Variants in GALNTL6 observed in about 807,000 individuals in gnomAD.
GALNTL6 encodes polypeptide N-acetylgalactosaminyltransferase-like 6.
A neutral mutation model predicts 73.7 loss-of-function variants in GALNTL6; 46 were observed. The ratio of observed to expected loss-of-function variants is 0.62; its 90% confidence interval spans 0.49 to 0.80. The LOEUF (loss-of-function observed/expected upper bound fraction) is 0.80, where lower values mean the gene tolerates loss of function less well. Among genes scored for constraint, GALNTL6 ranks in the 30% least tolerant of loss-of-function variants. GALNTL6 has a pLI of 0.00. For synonymous variants in GALNTL6, 259 were observed against 263.7 expected, an observed-to-expected ratio of 0.98 and a Z score of 0.17; for missense variants, 604 against 755.0, an observed-to-expected ratio of 0.80 and a Z score of 2.34.
intron 2 of GALNTL6, among the ~76,000 whole-genome samples, chr4:172,090,869 G>T (rs1288476171): frequency 6.6e-6 from 1 of 152,102 alleles, no homozygotes; most frequent in Non-Finnish European, 1.5e-5. Context: ...GTTAACTTTT[G>T]TATAAAGTGT....
chr4:171,952,376 C>T (rs576029774), intron 2 of GALNTL6, among the ~76,000 whole-genome samples: 5 of 151,982 alleles, frequency 3.3e-5, no homozygotes, highest in African/African-American at 1.2e-4. Context: ...ACTTCTCCTT[C>T]TTATTCAAAT....
intron 4 of GALNTL6, among the ~76,000 whole-genome samples, chr4:172,334,993 T>A (rs2111188856): frequency 6.6e-6 from 1 of 152,068 alleles, no homozygotes; most frequent in Non-Finnish European, 1.5e-5. Context: ...CTTTTTTTTT[T>A]TTTTTGAGAC....
rs1732022353 is a variant in GALNTL6 at position 172,446,397 on chromosome 4, A to G, written c.553+97708A>G. Among the ~76,000 whole-genome samples, 3 of 152,270 alleles carry G rather than the reference A, an allele frequency of 2.0e-5. No individual in the cohort carries two copies. In the South Asian group the frequency reaches 6.2e-4, roughly 32 times the overall value. ...TTAGAAATCAGACAAGAGGCATTTG[A>G]AACTGACTAGAAAGTCACAGAATAT... is the stretch of plus-strand genomic sequence containing the variant. On this transcript the variant is annotated intron_variant, in intron 5 of 12. Coordinates refer to ENST00000506823, the MANE Select transcript of GALNTL6 (RefSeq NM_001034845.3).
At chr4:172,655,243 G>T (rs946288534) in intron 5 of GALNTL6, among the ~76,000 whole-genome samples, 2 of 152,022 alleles carry the variant, frequency 1.3e-5, no homozygotes, top group African/African-American at 4.8e-5. Context: ...TAGGTTTCAG[G>T]TTTGTGATGG....
intron 2 of GALNTL6, among the ~76,000 whole-genome samples, chr4:171,917,363 G>A (rs1737661177): frequency 6.6e-6 from 1 of 151,992 alleles, no homozygotes; most frequent in Admixed American, 6.6e-5. Context: ...CCAAGGATTT[G>A]AACCCAACTT....
chr4:172,364,400 AG>A (rs1742483791), intron 5 of GALNTL6, among the ~76,000 whole-genome samples: 1 of 152,208 alleles, frequency 6.6e-6, no homozygotes, highest in Non-Finnish European at 1.5e-5. Flanking sequence ...CCAGGGCCAC[AG>A]AGTAAGACCC....
At chr4:172,663,929 CA>C (rs398072373) in intron 5 of GALNTL6, among the ~76,000 whole-genome samples, 6 of 29,944 alleles carry the variant, frequency 2.0e-4, no homozygotes, top group African/African-American at 8.0e-4. Context: ...GACTCTGTCT[CA>C]AAAAAAAAAA....
In GALNTL6 at chr4:171,964,595, A is replaced by T. The variant is rs151224188; in HGVS notation, c.138+149877A>T. On this transcript the variant is annotated intron_variant, in intron 2 of 12. Transcript: ENST00000506823. Reference sequence around the variant, plus strand: ...GAACATACCCCATTTTCATATTCCCATCATCTTTCACCTGTTATTGTCTAT... The same window carrying T: ...GAACATACCCCATTTTCATATTCCCTTCATCTTTCACCTGTTATTGTCTAT... Among the ~76,000 whole-genome samples, 114 of 152,132 alleles carry T rather than the reference A, an allele frequency of 7.5e-4. 1 individual carries two copies. The highest frequency in any genetic ancestry group is 2.5e-3 in the African/African-American group (102 of 41,516).
intron 9 of GALNTL6, among the ~76,000 whole-genome samples, chr4:172,933,669 G>A (rs559310016): frequency 6.6e-6 from 1 of 152,036 alleles, no homozygotes; most frequent in East Asian, 1.9e-4. Context: ...ACATTAAAAT[G>A]AAAAACAATT....
intron 3 of GALNTL6, among the ~76,000 whole-genome samples, chr4:172,264,882 T>C (rs1247672155): frequency 6.6e-6 from 1 of 151,198 alleles, no homozygotes; most frequent in African/African-American, 2.4e-5. Context: ...AAAAGCTGCA[T>C]AGTTTTCTTG....
At chr4:172,279,788 A>G (rs1304212916) in intron 3 of GALNTL6, among the ~76,000 whole-genome samples, 2 of 152,222 alleles carry the variant, frequency 1.3e-5, no homozygotes, top group African/African-American at 4.8e-5. Flanking sequence ...TGTTCATGGT[A>G]GCATTATTCA....
chr4:172,318,870 G>T (rs1228744894), intron 4 of GALNTL6, among the ~76,000 whole-genome samples: 2 of 152,008 alleles, frequency 1.3e-5, no homozygotes, highest in Non-Finnish European at 2.9e-5. Context: ...CATGTGTGTT[G>T]AATATCAAAG....
chr4:172,687,855 A>T (rs1733027037), intron 5 of GALNTL6, among the ~76,000 whole-genome samples: 1 of 152,136 alleles, frequency 6.6e-6, no homozygotes, highest in Admixed American at 6.5e-5. Flanking sequence ...ATAAATATTC[A>T]GTTGCTGGCT....
At chr4:171,820,127 A>G (rs1734643445) in intron 2 of GALNTL6, among the ~76,000 whole-genome samples, 1 of 152,176 alleles carries the variant, frequency 6.6e-6, no homozygotes, top group Non-Finnish European at 1.5e-5. Flanking sequence ...ATGTACTTAG[A>G]CACATAAAAT....
At chr4:172,363,809 T>G (rs1041072709) in intron 5 of GALNTL6, among the ~76,000 whole-genome samples, 2 of 152,342 alleles carry the variant, frequency 1.3e-5, no homozygotes, top group East Asian at 3.9e-4. Context: ...CAAAACTAAA[T>G]GTCTAAAAGT....
chr4:172,176,783 T>TA lies in GALNTL6; in HGVS notation c.139-52872dup, dbSNP rs1288424762. ...TGGCCTGGGCAACAAAGCAAGACCC[T>TA]ATCTCTAGAAAAATAGAAATAAAAA... is the stretch of plus-strand genomic sequence containing the variant. On this transcript the variant is annotated intron_variant, in intron 2 of 12. Coordinates refer to ENST00000506823, the MANE Select transcript of GALNTL6 (RefSeq NM_001034845.3). Among the ~76,000 whole-genome samples the TA allele has an allele frequency of 2.0e-5, 3 of 152,148 alleles. No homozygotes were observed. The East Asian group carries it at 5.8e-4, about 29-fold the overall frequency.
intron 2 of GALNTL6, among the ~76,000 whole-genome samples, chr4:172,055,871 G>C (rs1382337566): frequency 6.6e-6 from 1 of 152,018 alleles, no homozygotes; most frequent in African/African-American, 2.4e-5. Context: ...GCCCACTCAG[G>C]GTTTATTAAG....
chr4:172,861,383 A>T (rs1744388114), intron 7 of GALNTL6, among the ~76,000 whole-genome samples: 1 of 150,344 alleles, frequency 6.7e-6, no homozygotes, highest in Non-Finnish European at 1.5e-5. Context: ...GCCCATTTCA[A>T]AGCATCTACC....
intron 5 of GALNTL6, among the ~76,000 whole-genome samples, chr4:172,523,232 T>G (rs1734842590): frequency 6.6e-6 from 1 of 152,248 alleles, no homozygotes; most frequent in African/African-American, 2.4e-5. Flanking sequence ...TACTGTTCAG[T>G]AACATCCTTA....
Sources: allele counts gnomAD v4.1 joint callset (sites outside exome capture counted in the v4.1 genomes callset), GRCh38; gene constraint gnomAD v4.1.1; transcripts MANE v1.5; gene names NCBI Gene and HGNC (gene_info 2026-07-23, HGNC 2026-07-21).